Variants in SCP2 observed in about 807,000 individuals in gnomAD.
The protein encoded by SCP2 is SCP-2/3-oxoacyl-CoA thiolase.
Under a neutral mutation model 71.4 loss-of-function variants are expected in SCP2, and 48 were observed. That is an observed-to-expected ratio of 0.67 (90% confidence interval 0.53 to 0.86). SCP2 has a LOEUF of 0.86. Ranked by LOEUF, SCP2 falls within the 40% of genes least tolerant of loss-of-function variation. The pLI, the probability that SCP2 is intolerant of heterozygous loss-of-function variation, is 0.00. For missense variants in SCP2, 560 were observed against 655.6 expected (o/e 0.85, Z 1.59); for synonymous variants, 220 against 218.1 (o/e 1.01, Z -0.08).
chr1:52,937,146 G>A (rs1293768163), intron 1 of SCP2, among the ~76,000 whole-genome samples: 3 of 152,022 alleles, frequency 2.0e-5, no homozygotes, highest in Non-Finnish European at 4.4e-5. Context: ...ATCCTTATTG[G>A]TCCTTATAGG....
intron 13 of SCP2, among the ~76,000 whole-genome samples, chr1:53,037,929 C>CAG (rs1491316241): frequency 1.7e-5 from 2 of 120,726 alleles, no homozygotes; most frequent in Non-Finnish European, 1.8e-5. Context: ...CACACACACA[C>CAG]AGATCCAGAT....
At chr1:53,008,359 A>G (rs1660767130) in intron 11 of SCP2, among the ~76,000 whole-genome samples, 1 of 152,252 alleles carries the variant, frequency 6.6e-6, no homozygotes, top group African/African-American at 2.4e-5. Flanking sequence ...TCCCTGATGA[A>G]CATTGATGCA....
At chr1:53,028,666 G>T (rs1449448139) in intron 13 of SCP2, among the ~76,000 whole-genome samples, 2 of 151,684 alleles carry the variant, frequency 1.3e-5, no homozygotes, top group African/African-American at 4.9e-5. Context: ...CCCAAATTCT[G>T]CCACTCAGAG....
At chr1:52,954,370 T>G (rs1655609521) in intron 4 of SCP2, among the ~76,000 whole-genome samples, 1 of 151,902 alleles carries the variant, frequency 6.6e-6, no homozygotes, top group Admixed American at 6.6e-5. Flanking sequence ...TTTGTGGGGT[T>G]ATAGTATGTT....
intron 11 of SCP2, among the ~76,000 whole-genome samples, chr1:52,991,404 C>CT (rs138717286): frequency 0.17 from 24,334 of 145,290 alleles, 4,404 homozygotes; most frequent in African/African-American, 0.46. Context: ...TTTCTTTTTT[C>CT]TTTTTTTTTT....
intron 11 of SCP2, among the ~76,000 whole-genome samples, chr1:53,012,009 G>A (rs1420194529): frequency 1.3e-5 from 2 of 152,154 alleles, no homozygotes; most frequent in Non-Finnish European, 2.9e-5. Context: ...AAGGCCAGCC[G>A]TAGAAACTAG....
chr1:52,992,205 G>GTTAAAAGTGAACAGTGAGAATTAAATAC (rs1659562894), intron 11 of SCP2, among the ~76,000 whole-genome samples: 1 of 151,908 alleles, frequency 6.6e-6, no homozygotes, highest in Admixed American at 6.6e-5. Context: ...TTCTTTGTCA[G>GTTAAAAGTGAACAGTGAGAATTAAATAC]TTAAAAGTGA....
At chr1:53,039,308 C>T (rs1663252321) in intron 14 of SCP2, among the ~76,000 whole-genome samples, 1 of 152,172 alleles carries the variant, frequency 6.6e-6, no homozygotes, top group Non-Finnish European at 1.5e-5. Flanking sequence ...CATAATGTGA[C>T]CTTGAACAAG....
At chr1:52,998,282 T>C (rs1225321077) in intron 11 of SCP2, among the ~76,000 whole-genome samples, 1 of 152,186 alleles carries the variant, frequency 6.6e-6, no homozygotes, top group Non-Finnish European at 1.5e-5. Flanking sequence ...TTCTGGGTCA[T>C]AGGACAGATC....
intron 5 of SCP2, among the ~76,000 whole-genome samples, chr1:52,957,153 C>T (rs1655891498): frequency 6.6e-6 from 1 of 152,134 alleles, no homozygotes; most frequent in Non-Finnish European, 1.5e-5. Context: ...CGTGATCTAC[C>T]CACCTCGGCC....
At chr1:52,963,625 C>T (rs146802726) in intron 6 of SCP2, 212 of 152,282 alleles carry the variant, frequency 1.4e-3, no homozygotes, top group African/African-American at 4.8e-3. Flanking sequence ...AAAGCCCTTG[C>T]GCAGCCCTTT....
chr1:53,037,960 C>CAT (rs1385691789), intron 13 of SCP2, among the ~76,000 whole-genome samples: 5,093 of 80,094 alleles, frequency 0.064, 311 homozygotes, highest in Admixed American at 0.21. Context: ...TACACACACA[C>CAT]ACACACACAC....
chr1:52,966,210 G>A (rs923046418), intron 6 of SCP2, among the ~76,000 whole-genome samples: 1 of 151,924 alleles, frequency 6.6e-6, no homozygotes, highest in Admixed American at 6.6e-5. Context: ...TCCTGATCTT[G>A]GTGTTTTAAG....
intron 13 of SCP2, among the ~76,000 whole-genome samples, chr1:53,035,454 G>A (rs575568962): frequency 2.0e-5 from 3 of 152,216 alleles, no homozygotes; most frequent in South Asian, 4.1e-4. Context: ...TACTATATTC[G>A]TGGATGGGAA....
intron 3 of SCP2, among the ~76,000 whole-genome samples, chr1:52,950,329 C>T (rs529780341): frequency 3.4e-4 from 51 of 152,238 alleles, no homozygotes; most frequent in African/African-American, 1.2e-3. Context: ...ACCATGTTAG[C>T]CAGGATGGTT....
At chr1:52,958,276 A>G (rs1166787035) in intron 5 of SCP2, among the ~76,000 whole-genome samples, 1 of 147,486 alleles carries the variant, frequency 6.8e-6, no homozygotes, top group Non-Finnish European at 1.5e-5. Flanking sequence ...CCCAGGCTGG[A>G]GTGGAGTGCG....
chr1:52,930,412 C>T (rs1653037804), intron 1 of SCP2, among the ~76,000 whole-genome samples: 1 of 151,998 alleles, frequency 6.6e-6, no homozygotes, highest in African/African-American at 2.4e-5. Flanking sequence ...ATCTCTTGAG[C>T]CCAGGGTTTG....
intron 11 of SCP2, among the ~76,000 whole-genome samples, chr1:52,989,648 T>C (rs1416725544): frequency 1.3e-5 from 2 of 152,184 alleles, no homozygotes; most frequent in African/African-American, 4.8e-5. Flanking sequence ...TTTGTCTTTA[T>C]TTCACCTCAC....
Position 52,945,989 on chromosome 1 carries a change from T to A in SCP2, c.128-2020T>A, listed in dbSNP as rs140510125. Among the ~76,000 whole-genome samples the A allele has an allele frequency of 4.8e-3, 730 of 151,852 alleles. 2 individuals are homozygous for A. The highest frequency in any genetic ancestry group is 0.016 in the African/African-American group (673 of 41,402). On this transcript the variant is annotated intron_variant, in intron 2 of 15. Transcript: ENST00000371514. ...TGTTGCCTAGGCTGGAATGCAGTAG[T>A]GTGATCATGGCTCACTGCAGCCTTG... is the stretch of plus-strand genomic sequence containing the variant.
Sources: gnomAD v4.1 joint callset for allele counts (sites outside exome capture counted in the v4.1 genomes callset) on GRCh38, gnomAD v4.1.1 for gene constraint, MANE v1.5 for transcripts, NCBI Gene and HGNC (gene_info 2026-07-23, HGNC 2026-07-21) for gene names.